Variants in PGAP4 observed in about 807,000 individuals in gnomAD.
The protein encoded by PGAP4 is post-GPI attachment to proteins GalNAc transferase 4, also known as GPI-N-acetylgalactosamine transferase PGAP4.
Under a neutral mutation model 28.2 loss-of-function variants are expected in PGAP4, and 12 were observed. The observed-to-expected ratio is 0.42, with a 90% CI of 0.27 to 0.69. The LOEUF is 0.69. Among genes scored for constraint, PGAP4 ranks in the 30% least tolerant of loss-of-function variants. The pLI is 0.22. For missense variants in PGAP4, 425 were observed against 513.5 expected (o/e 0.83, Z 1.67); for synonymous variants, 205 against 211.8 (o/e 0.97, Z 0.28).
intron 2 of PGAP4, among the ~76,000 whole-genome samples, chr9:101,519,215 T>A (rs893884494): frequency 2.6e-5 from 4 of 152,134 alleles, no homozygotes; most frequent in African/African-American, 9.7e-5. Context: ...TGGAGTGCAA[T>A]GGTGCAATCT....
chr9:101,500,714 T>A (rs1826789778), intron 2 of PGAP4, among the ~76,000 whole-genome samples: 1 of 151,852 alleles, frequency 6.6e-6, no homozygotes, highest in Non-Finnish European at 1.5e-5. Flanking sequence ...AGGGAGAAGA[T>A]AATGAGTGGG....
At chr9:101,518,656 T>C (rs1260788057) in intron 2 of PGAP4, among the ~76,000 whole-genome samples, 1 of 152,262 alleles carries the variant, frequency 6.6e-6, no homozygotes, top group Admixed American at 6.5e-5. Flanking sequence ...TCATTCCTTT[T>C]TATGGCTGCA....
At chr9:101,493,978 G>T (rs113615332) in intron 2 of PGAP4, among the ~76,000 whole-genome samples, 1,847 of 151,922 alleles carry the variant, frequency 0.012, 29 homozygotes, top group African/African-American at 0.04. Context: ...TGTATCATAG[G>T]GTTTTTTTAA....
At chr9:101,491,599 T>C (rs2118573615), upstream of PGAP4, among the ~76,000 whole-genome samples, 1 of 152,110 alleles carries the variant, frequency 6.6e-6, no homozygotes, top group African/African-American at 2.4e-5. Flanking sequence ...CAAAATATTT[T>C]CAATTTTTCC....
intron 2 of PGAP4, among the ~76,000 whole-genome samples, chr9:101,517,269 AAAG>A (rs142517809): frequency 0.01 from 1,579 of 152,292 alleles, 29 homozygotes; most frequent in African/African-American, 0.036. Context: ...AATCAATGAC[AAAG>A]AAGATGTTGT....
chr9:101,508,660 G>T (rs1013136980), intron 2 of PGAP4, among the ~76,000 whole-genome samples: 8 of 152,158 alleles, frequency 5.3e-5, no homozygotes, highest in African/African-American at 1.9e-4. Context: ...CCACAGACAG[G>T]GTCGGGGGAT....
intron 2 of PGAP4, among the ~76,000 whole-genome samples, chr9:101,493,742 C>T (rs184740117): frequency 5.4e-4 from 82 of 152,226 alleles, no homozygotes; most frequent in African/African-American, 1.9e-3. Flanking sequence ...CTGGTCATGA[C>T]GTTAGCAGTT....
intron 2 of PGAP4, among the ~76,000 whole-genome samples, chr9:101,494,345 AG>A (rs1473246055): frequency 2.0e-5 from 3 of 151,928 alleles, no homozygotes; most frequent in African/African-American, 7.2e-5. Flanking sequence ...TCAACTAGGG[AG>A]AAAAAGTAAA....
At chr9:101,533,541 C>A (rs1438741799), upstream of PGAP4, 1 of 152,264 alleles carries the variant, frequency 6.6e-6, no homozygotes, top group African/African-American at 2.4e-5. Context: ...GATGGCAACC[C>A]CAATGACAAG....
intron 2 of PGAP4, among the ~76,000 whole-genome samples, chr9:101,502,927 T>C (rs956273872): frequency 6.6e-6 from 1 of 152,112 alleles, no homozygotes; most frequent in Non-Finnish European, 1.5e-5. Context: ...AGAATAAAGA[T>C]GTGGGTTGAT....
At chr9:101,483,433 G>A (rs1826540964) in intron 1 of PGAP4, among the ~76,000 whole-genome samples, 1 of 152,088 alleles carries the variant, frequency 6.6e-6, no homozygotes. Flanking sequence ...AGAAAACTAA[G>A]TTTTTAAGCA....
At chr9:101,515,548 G>A (rs1826936959) in intron 2 of PGAP4, among the ~76,000 whole-genome samples, 1 of 152,126 alleles carries the variant, frequency 6.6e-6, no homozygotes, top group Non-Finnish European at 1.5e-5. Flanking sequence ...AGTTTACATG[G>A]TAATGCAGGA....
At chr9:101,489,030 T>C (rs1826660975), upstream of PGAP4, 2 of 152,196 alleles carry the variant, frequency 1.3e-5, no homozygotes, top group African/African-American at 2.4e-5. Context: ...TAGTACTTTC[T>C]ATGGCTGTTA....
At chr9:101,506,822 C>T (rs185336117) in intron 2 of PGAP4, among the ~76,000 whole-genome samples, 5 of 152,226 alleles carry the variant, frequency 3.3e-5, no homozygotes, top group African/African-American at 1.2e-4. Context: ...TTCAATTGCT[C>T]AGAGATTAAT....
chr9:101,529,516 C>T (rs543611424), intron 2 of PGAP4, among the ~76,000 whole-genome samples: 1 of 152,286 alleles, frequency 6.6e-6, no homozygotes, highest in Admixed American at 6.5e-5. Flanking sequence ...TTTGTGACTA[C>T]CAATTAGCTC....
chr9:101,510,692 T>C (rs1381841809), intron 2 of PGAP4, among the ~76,000 whole-genome samples: 1 of 152,162 alleles, frequency 6.6e-6, no homozygotes, highest in African/African-American at 2.4e-5. Flanking sequence ...TTTACTCATT[T>C]TGGCTATGGT....
intron 2 of PGAP4, among the ~76,000 whole-genome samples, chr9:101,530,566 T>C (rs1212926723): frequency 1.3e-5 from 2 of 152,244 alleles, no homozygotes; most frequent in African/African-American, 2.4e-5. Flanking sequence ...AACTTATTTT[T>C]CCAGGGATAT....
At chr9:101,492,556 A>G (rs1826700361) in intron 2 of PGAP4, among the ~76,000 whole-genome samples, 1 of 152,106 alleles carries the variant, frequency 6.6e-6, no homozygotes, top group Admixed American at 6.6e-5. Context: ...ATTGTAATGT[A>G]TTGTAGCAAC....
At position 101,476,558 on chromosome 9, in the gene PGAP4, G is replaced by T. The variant is rs1489914711; in HGVS notation, c.535C>A (p.Pro179Thr). The T allele has an allele frequency of 6.2e-7, 1 of 1,614,150 alleles. No homozygotes were observed. Among genetic ancestry groups the T allele is most frequent in the Admixed American group, 1.7e-5 (1 of 60,022 alleles). The change falls in exon 2 of 2, where the codon CCT becomes ACT. Residue 179 changes from proline (P) to threonine (T), a missense_variant. Physicochemically the swap from Pro to Thr is conservative, Grantham distance 38. Transcript: ENST00000374848. This position sits in a 1 kb window ranked among gnomAD's most constrained non-coding sequence, Gnocchi z 7.0. ...EGTEDDYGDD[P>T]STNSFEKEKQ... ...TCTTTCTCAAACGAGTTGGTCGAAG[G>T]GTCATCACCATAATCATCCTCAGTG...
Sources: gnomAD v4.1 joint callset for allele counts (sites outside exome capture counted in the v4.1 genomes callset) on GRCh38, gnomAD v4.1.1 for gene constraint, Gnocchi (gnomAD v3.1) non-coding constraint, MANE v1.5 for transcripts, NCBI Gene and HGNC (gene_info 2026-07-23, HGNC 2026-07-21) for gene names.